P3H3: variants seen among roughly 807,000 people sequenced by gnomAD.
P3H3 encodes the protein gene rich cluster, B.
P3H3 carries 64 observed loss-of-function variants against 78.1 expected under a neutral mutation model. That is an observed-to-expected ratio of 0.82 (90% CI 0.67 to 1.01). P3H3 has a LOEUF of 1.01. P3H3 is among the 50% of genes least tolerant of loss of function. P3H3 has a pLI of 0.00. For missense variants in P3H3, 975 were observed against 982.2 expected (o/e 0.99, Z 0.10); for synonymous variants, 425 against 416.7 (o/e 1.02, Z -0.24).
chr12:6,830,790 A>G lies in P3H3; in HGVS notation c.985+20A>G, dbSNP rs1555121288. On this transcript the variant is annotated intron_variant, in intron 4 of 14. Transcript: ENST00000290510. ...CTCAGGGTCAGTTGGGGAAGGGTGG[A>G]AACGGGGAGTGAAGATTTGCCTCTG... 3.7e-6 allele frequency: 6 copies of G among 1,613,366 alleles called. No homozygotes were observed. The highest frequency in any genetic ancestry group is 5.1e-6 in the Non-Finnish European group (6 of 1,179,328).
Position 6,839,048 on chromosome 12 carries a change from G to A in P3H3, c.1954G>A (p.Val652Ile). 2.5e-6 allele frequency: 4 copies of A among 1,612,106 alleles called. No homozygotes were observed. Among genetic ancestry groups the A allele is most frequent in the Non-Finnish European group, 3.4e-6 (4 of 1,179,318 alleles). Reference protein sequence around the residue: ...CGRLVAFSSGVENPHGVWAVT... With the variant: ...CGRLVAFSSGIENPHGVWAVT... ...GCGCCTTGTGGCCTTCAGCTCCGGT[G>A]TCGAGAATCCCCATGGGGTGTGGGC... The change falls in exon 14 of 15, where the codon GTC becomes ATC. Residue 652 changes from valine (V) to isoleucine (I), a missense_variant. Val to Ile is a conservative substitution (Grantham distance 29). Coordinates refer to ENST00000290510, the MANE Select transcript of P3H3 (RefSeq NM_014262.5).
Position 6,831,217 on chromosome 12 carries a change from G to A in P3H3, c.987G>A (p.Val329=). Residue 329 remains valine (V), a splice_region_variant and synonymous_variant, in exon 5 of 15, where the codon GTG becomes GTA. Transcript: ENST00000290510. This position sits in a 1 kb window ranked among gnomAD's most constrained non-coding sequence, Gnocchi z 4.6. ...LRRLHEAHAQ[V]GNLSQAIENV... ...CTGACCTTGTCGCTCCCTCTCCAGT[G>A]GGCAATCTGTCCCAGGCTATAGAAA... is the stretch of plus-strand genomic sequence containing the variant. The A allele has an allele frequency of 6.2e-7, 1 of 1,613,712 alleles. No homozygotes were observed. The highest frequency in any genetic ancestry group is 8.5e-7 in the Non-Finnish European group (1 of 1,179,810).
In P3H3 at chr12:6,829,033, C is replaced by T. The variant is rs1022536392; in HGVS notation, c.498+95C>T. On this transcript the variant is annotated intron_variant, in intron 1 of 14. Coordinates refer to ENST00000290510, the MANE Select transcript of P3H3 (RefSeq NM_014262.5). The surrounding 1 kb of genome is among the most constrained non-coding windows in gnomAD (Gnocchi z 5.1). The stretch of plus-strand genomic sequence containing the variant: ...CAGGAGTAGGCGGAATGCTGTTGCC[C>T]GGGCCCCGCACGGGGCTGGGGAGCG... 2 of 780,060 alleles carry T rather than the reference C, an allele frequency of 2.6e-6. No homozygotes were observed. The highest frequency in any genetic ancestry group is 3.5e-6 in the Non-Finnish European group (2 of 575,616). 48.3% of individuals were successfully genotyped at this position (780,060 alleles called of 1,614,324 possible).
chr12:6,830,087 C>T (rs948267250), intron 2 of P3H3, 76 bp downstream of exon 2: 16 of 1,561,268 alleles, frequency 1.0e-5, no homozygotes, highest in Middle Eastern at 3.4e-4. Flanking sequence ...CTAAACTGTG[C>T]GTTGTGCTGC....
rs1943426150 is a variant in P3H3 at position 6,829,704 on chromosome 12, AGTTCGGGCG to A, written c.499-152_499-144del. ...ACGTTCTGGCCTCTAGGGGATCTGC[AGTTCGGGCG>A]GTGGGCGGTTCTGATTGGCCAGTCT... On this transcript the variant is annotated intron_variant, in intron 1 of 14. Transcript: ENST00000290510. This position sits in a 1 kb window ranked among gnomAD's most constrained non-coding sequence, Gnocchi z 5.1. 6 of 724,274 alleles carry A rather than the reference AGTTCGGGCG, an allele frequency of 8.3e-6. No individual in the cohort carries two copies. Among genetic ancestry groups the A allele is most frequent in the Non-Finnish European group, 1.2e-5 (5 of 425,360 alleles). The allele number at this position is 724,274 out of a possible 1,614,324, so 44.9% of individuals were successfully genotyped here.
In P3H3 at chr12:6,828,494, G is replaced by T. The variant is rs1943405461; in HGVS notation, c.54G>T (p.Gly18=). ...LLLLLLLPPP[G]SPEPPGLTQL... ...TACTGCTGCTGCTGCCTCCCCCGGG[G>T]TCCCCTGAGCCCCCCGGCCTGACCC... Residue 18 remains glycine (G), a synonymous_variant, in exon 1 of 15, where the codon GGG becomes GGT. Transcript: ENST00000290510. 7.5e-7 allele frequency: 1 copy of T among 1,341,336 alleles called. No homozygotes were observed. Among genetic ancestry groups the T allele is most frequent in the South Asian group, 1.5e-5 (1 of 68,900 alleles). The allele number at this position is 1,341,336 out of a possible 1,614,324, so 83.1% of individuals were successfully genotyped here. A position where few individuals can be genotyped will look rare whatever the true frequency, so the allele number is the denominator to read the frequency against.
Position 6,837,427 on chromosome 12 carries a change from C to T in P3H3, c.1565C>T (p.Ala522Val), listed in dbSNP as rs782684667. 72 of 1,609,784 alleles carry T rather than the reference C, an allele frequency of 4.5e-5. No individual in the cohort carries two copies. The highest frequency in any genetic ancestry group is 5.9e-5 in the Non-Finnish European group (70 of 1,178,308). ...CCTGCCTTTCACTGCCTGCAGCTGG[C>T]CCGGGCTGGGACAGTGGGCAGTCAG... ...GLTVLKAAQL[A>V]RAGTVGSQGA... The change falls in exon 11 of 15, where the codon GCC becomes GTC. Residue 522 changes from alanine (A) to valine (V), a missense_variant. Physicochemically the swap from Ala to Val is moderately conservative, Grantham distance 64. Transcript: ENST00000290510.
rs376625423 is a variant in P3H3 at position 6,837,429 on chromosome 12, C to T, written c.1567C>T (p.Arg523Trp). The T allele has an allele frequency of 3.5e-5, 57 of 1,610,238 alleles. No individual in the cohort carries two copies. The highest frequency in any genetic ancestry group is 3.3e-4 in the Middle Eastern group (2 of 6,066). ...LTVLKAAQLA[R>W]AGTVGSQGAK... Reference sequence around the variant, plus strand: ...TGCCTTTCACTGCCTGCAGCTGGCCCGGGCTGGGACAGTGGGCAGTCAGGG... The same window carrying T: ...TGCCTTTCACTGCCTGCAGCTGGCCTGGGCTGGGACAGTGGGCAGTCAGGG... The change falls in exon 11 of 15, where the codon CGG (arginine) becomes TGG (tryptophan). Residue 523 changes from arginine to tryptophan, a missense_variant. Coordinates refer to ENST00000290510, the MANE Select transcript of P3H3 (RefSeq NM_014262.5).
intron 6 of P3H3, among the ~76,000 whole-genome samples, chr12:6,832,892 CG>C (rs149012854): frequency 0.93 from 139,355 of 149,988 alleles, 64,895 homozygotes; most frequent in African/African-American, 0.98. Flanking sequence ...CGTGAGCCAC[CG>C]GAACCCGGCC....
At position 6,830,828 on chromosome 12, in the gene P3H3, G is replaced by A. The variant is rs782057593; in HGVS notation, c.985+58G>A. The A allele has an allele frequency of 3.1e-6, 5 of 1,605,452 alleles. No individual in the cohort carries two copies. In the Admixed American group the frequency reaches 5.0e-5, roughly 16 times the overall value. ...AGATTTGCCTCTGCTGCTATCCTGAGCTCCATCTCTCTATCCCTCCCATCT... is the reference window on the plus strand; with the variant it reads ...AGATTTGCCTCTGCTGCTATCCTGAACTCCATCTCTCTATCCCTCCCATCT... On this transcript the variant is annotated intron_variant, in intron 4 of 14. Coordinates refer to ENST00000290510, the MANE Select transcript of P3H3 (RefSeq NM_014262.5).
At position 6,837,762 on chromosome 12, in the gene P3H3, A is replaced by C; in HGVS notation, c.1742A>C (p.His581Pro). 1 of 1,613,132 alleles carries C rather than the reference A, an allele frequency of 6.2e-7. No individual in the cohort carries two copies. Among genetic ancestry groups the C allele is most frequent in the Middle Eastern group, 1.7e-4 (1 of 6,058 alleles). Residue 581 changes from histidine to proline, a missense_variant, in exon 12 of 15, where the codon CAC becomes CCC. His to Pro is a moderately conservative substitution (Grantham distance 77). Coordinates refer to ENST00000290510, the MANE Select transcript of P3H3 (RefSeq NM_014262.5). ...GEQEQRMDLSHPVHADNCVLD... is the reference protein window; with the variant it reads ...GEQEQRMDLSPPVHADNCVLD... ...CAAGAGCAGCGCATGGACCTGAGTC[A>C]CCCAGTGCACGCAGACAACTGCGTC...
At chr12:6,838,967 T>G in intron 13 of P3H3, 33 bp from the exon 14 acceptor site, 2 of 1,533,610 alleles carry the variant, frequency 1.3e-6, no homozygotes, top group Non-Finnish European at 1.8e-6. Context: ...AGAGAGCCAA[T>G]CCCTGGAGCT....
intron 9 of P3H3, 76 bp downstream of exon 9, chr12:6,834,125 C>T: frequency 6.3e-7 from 1 of 1,588,372 alleles, no homozygotes; most frequent in Admixed American, 1.7e-5. Context: ...TCTTGGCCTG[C>T]CCCCTTCATT....
Position 6,831,829 on chromosome 12 carries a change from T to C in P3H3, c.1127T>C (p.Ile376Thr), listed in dbSNP as rs781941173. Residue 376 changes from isoleucine to threonine, a missense_variant, in exon 6 of 15, where the codon ATC becomes ACC. By Grantham distance (89) the Ile-to-Thr change is moderately conservative (BLOSUM62 -1). Coordinates refer to ENST00000290510, the MANE Select transcript of P3H3 (RefSeq NM_014262.5). This position sits in a 1 kb window ranked among gnomAD's most constrained non-coding sequence, Gnocchi z 4.6. ...PRPGLGPRED[I>T]QRFILRSLGE... is the part of the protein sequence containing the mutation. ...TGCTCATCATCTCACCCTCAGGACA[T>C]CCAGCGCTTCATCCTCCGATCCCTG... 7.1e-5 allele frequency: 114 copies of C among 1,600,528 alleles called. 1 individual carries two copies. In the South Asian group the frequency reaches 1.2e-3, roughly 17 times the overall value.
rs917923230 is a variant in P3H3 at position 6,830,386 on chromosome 12, C to T, written c.685C>T (p.Arg229Cys). Residue 229 changes from arginine to cysteine, a missense_variant, in exon 3 of 15, where the codon CGC becomes TGC. Physicochemically the swap from Arg to Cys is radical, Grantham distance 180. Coordinates refer to ENST00000290510, the MANE Select transcript of P3H3 (RefSeq NM_014262.5). ...AYDTGLELLG[R>C]QEAGLALPRL... ...TGACACTGGCCTGGAGCTACTGGGGCGCCAGGAGGCAGGACTGGCACTGCC... is the reference window on the plus strand; with the variant it reads ...TGACACTGGCCTGGAGCTACTGGGGTGCCAGGAGGCAGGACTGGCACTGCC... 40 of 1,586,950 alleles carry T rather than the reference C, an allele frequency of 2.5e-5. No individual in the cohort carries two copies. Among genetic ancestry groups the T allele is most frequent in the Non-Finnish European group, 2.8e-5 (33 of 1,168,028 alleles).
rs781820395 is a variant in P3H3, at chr12:6,839,675, G to A, written c.*214G>A. ...CTCACCAGGCCTGGGGAGCTGGGAC[G>A]GGGCCCCGCTGCCGGACCTGCAGCC... On this transcript the variant is annotated 3_prime_UTR_variant, in exon 15 of 15. Transcript: ENST00000290510. 7.1e-5 allele frequency: 44 copies of A among 616,592 alleles called. No homozygotes were observed. The highest frequency in any genetic ancestry group is 7.1e-4 in the South Asian group (31 of 43,458). 38.2% of individuals were successfully genotyped at this position (616,592 alleles called of 1,614,324 possible). A position where few individuals can be genotyped will look rare whatever the true frequency, so the allele number is the denominator to read the frequency against.
chr12:6,833,737 CT>C lies in P3H3; in HGVS notation c.1266-4del. The C allele has an allele frequency of 6.2e-7, 1 of 1,600,188 alleles. No homozygotes were observed. The highest frequency in any genetic ancestry group is 8.6e-7 in the Non-Finnish European group (1 of 1,167,356). On this transcript the variant is annotated splice_polypyrimidine_tract_variant and splice_region_variant and intron_variant, in intron 7 of 14. Coordinates refer to ENST00000290510, the MANE Select transcript of P3H3 (RefSeq NM_014262.5). ...CACCCACTGAGCGCATCTCTCACCCCTGAGAGAGGATCAAGAGAAGAGGCCT... is the reference window on the plus strand; with the variant it reads ...CACCCACTGAGCGCATCTCTCACCCCGAGAGAGGATCAAGAGAAGAGGCCT...
At chr12:6,834,147 G>T in intron 9 of P3H3, 98 bp downstream of exon 9, 1 of 1,558,672 alleles carries the variant, frequency 6.4e-7, no homozygotes. Flanking sequence ...TGCCTGTCCT[G>T]ATTATCCAAC....
chr12:6,833,589 C>T lies in P3H3; in HGVS notation c.1213-3C>T. ...GTGATGATGCTTTTCTGGACTGTCG[C>T]AGGACCCCTGGACCCCTGCAGCTCT... is the stretch of plus-strand genomic sequence containing the variant. On this transcript the variant is annotated splice_polypyrimidine_tract_variant and splice_region_variant and intron_variant, in intron 6 of 14. Transcript: ENST00000290510. 6.2e-7 allele frequency: 1 copy of T among 1,613,842 alleles called. No homozygotes were observed. The highest frequency in any genetic ancestry group is 8.5e-7 in the Non-Finnish European group (1 of 1,179,776).
Sources: allele counts gnomAD v4.1 joint callset (sites outside exome capture counted in the v4.1 genomes callset), GRCh38; gene constraint gnomAD v4.1.1; non-coding constraint Gnocchi (gnomAD v3.1); transcripts MANE v1.5; gene names NCBI Gene and HGNC (gene_info 2026-07-23, HGNC 2026-07-21).